The following PLEKHS1 variants were observed in gnomAD, a reference collection of about 807,000 sequenced individuals.
PLEKHS1 encodes pleckstrin homology domain containing S1, also known as pleckstrin homology domain-containing family S member 1.
In PLEKHS1, 55 loss-of-function variants were observed where a neutral mutation model predicts 51.0. The observed-to-expected ratio is 1.08, with a 90% CI of 0.87 to 1.35. The LOEUF is 1.35. PLEKHS1 is among the 40% of genes most tolerant of loss of function. The probability of loss-of-function intolerance (pLI) is 0.00; values close to 1 mark genes in which losing one functional copy is unlikely to be tolerated. For synonymous variants in PLEKHS1, 153 were observed against 144.8 expected, an observed-to-expected ratio of 1.06 and a Z score of -0.41; for missense variants, 398 against 423.0, an observed-to-expected ratio of 0.94 and a Z score of 0.52.
exon 8 of PLEKHS1, chr10:113,772,067 C>T (rs368015880): frequency 1.2e-6 from 2 of 1,612,920 alleles, no homozygotes; most frequent in South Asian, 1.1e-5. Flanking sequence ...CATTATCTTA[C>T]TCCTCGAAGT....
chr10:113,780,841 C>A (rs745758152), exon 12 of PLEKHS1: 17 of 1,439,376 alleles, frequency 1.2e-5, no homozygotes, highest in Non-Finnish European at 1.6e-5. Flanking sequence ...AGCTCTGCCC[C>A]CTGCTGCTGC....
intron 2 of PLEKHS1, among the ~76,000 whole-genome samples, chr10:113,759,477 CTCACTG>C (rs1843819205): frequency 6.6e-6 from 1 of 152,204 alleles, no homozygotes; most frequent in African/African-American, 2.4e-5. Context: ...TCTGTTTTCT[CTCACTG>C]TAAGTTTGTT....
At chr10:113,781,003 A>G (rs972282599) in exon 12 of PLEKHS1, 10 of 552,236 alleles carry the variant, frequency 1.8e-5, no homozygotes, top group Non-Finnish European at 2.6e-5. Flanking sequence ...GGAAGGCCTT[A>G]TTATCTCAGC....
chr10:113,778,219 T>G (rs1422608092), intron 11 of PLEKHS1, among the ~76,000 whole-genome samples: 2 of 152,210 alleles, frequency 1.3e-5, no homozygotes, highest in East Asian at 3.8e-4. Context: ...CAAACTGTGC[T>G]TCTTGCATCC....
intron 11 of PLEKHS1, chr10:113,777,614 G>A (rs761991222): frequency 1.9e-6 from 3 of 1,544,798 alleles, no homozygotes; most frequent in Non-Finnish European, 2.6e-6. Context: ...GACTAATGAT[G>A]GTGCTGGTTG....
intron 2 of PLEKHS1, among the ~76,000 whole-genome samples, chr10:113,763,958 A>G (rs1242064979): frequency 2.0e-5 from 3 of 152,156 alleles, no homozygotes; most frequent in Admixed American, 2.0e-4. Context: ...CATTTTTTAT[A>G]CTGCAAGCCT....
chr10:113,765,910 A>G (rs1351190258), intron 2 of PLEKHS1, among the ~76,000 whole-genome samples: 1 of 152,242 alleles, frequency 6.6e-6, no homozygotes, highest in East Asian at 1.9e-4. Context: ...GTATTTGGTA[A>G]TAGCTGGGGC....
At chr10:113,766,429 C>A in exon 3 of PLEKHS1, 1 of 1,583,520 alleles carries the variant, frequency 6.3e-7, no homozygotes, top group Non-Finnish European at 8.6e-7. Context: ...TTTACATTTT[C>A]TTATGAAAAT....
intron 5 of PLEKHS1, 57 bp from the exon 6 acceptor site, chr10:113,768,758 G>T: frequency 7.4e-7 from 1 of 1,347,330 alleles, no homozygotes; most frequent in Non-Finnish European, 1.1e-6. Flanking sequence ...ATCCTTCTCT[G>T]GTTCAAAAGG....
intron 4 of PLEKHS1, among the ~76,000 whole-genome samples, chr10:113,767,120 G>C (rs148667423): frequency 1.0e-3 from 155 of 152,234 alleles, no homozygotes; most frequent in Middle Eastern, 3.4e-3. Context: ...GTGGAATCAA[G>C]AATCCAATTA....
exon 12 of PLEKHS1, chr10:113,780,842 C>T: frequency 7.0e-7 from 1 of 1,438,310 alleles, no homozygotes; most frequent in Non-Finnish European, 9.3e-7. Flanking sequence ...GCTCTGCCCC[C>T]TGCTGCTGCC....
At chr10:113,778,201 C>T (rs2900990) in intron 11 of PLEKHS1, 50,125 of 155,948 alleles carry the variant, frequency 0.32, 8,866 homozygotes, top group South Asian at 0.49. Flanking sequence ...AAGTGAGAGG[C>T]TGGTTTTCAA....
chr10:113,782,040 C>T (rs1340505448), exon 12 of PLEKHS1: 2 of 152,162 alleles, frequency 1.3e-5, no homozygotes, highest in African/African-American at 4.8e-5. Flanking sequence ...CTAATGGATC[C>T]ATTGACTAAT....
chr10:113,768,679 A>T, intron 5 of PLEKHS1, 136 bp from the exon 6 acceptor site: 1 of 592,250 alleles, frequency 1.7e-6, no homozygotes, highest in Non-Finnish European at 2.8e-6. Context: ...GAGGCCATTT[A>T]AGCTACTTAG....
chr10:113,770,919 G>A (rs1039838029), intron 7 of PLEKHS1, among the ~76,000 whole-genome samples: 6 of 152,168 alleles, frequency 3.9e-5, no homozygotes, highest in African/African-American at 1.4e-4. Flanking sequence ...TAAGTGGGCT[G>A]CCTTTACCCC....
intron 8 of PLEKHS1, 120 bp from the exon 9 acceptor site, chr10:113,774,107 C>T (rs991307030): frequency 8.1e-6 from 5 of 614,884 alleles, no homozygotes; most frequent in Admixed American, 7.1e-5. Context: ...ATGAGAACCA[C>T]GTTCATCCAC....
At chr10:113,770,772 C>G (rs980995062) in intron 7 of PLEKHS1, among the ~76,000 whole-genome samples, 18 of 152,186 alleles carry the variant, frequency 1.2e-4, no homozygotes, top group African/African-American at 4.3e-4. Flanking sequence ...TTGCTTTTCA[C>G]TCATGATATC....
Position 113,780,587 on chromosome 10 carries a change from T to C in PLEKHS1, c.*-15T>C, listed in dbSNP as rs1844833041. 1.2e-6 allele frequency: 2 copies of C among 1,608,642 alleles called. No homozygotes were observed. The highest frequency in any genetic ancestry group is 2.2e-5 in the East Asian group (1 of 44,852). On this transcript the variant is annotated splice_polypyrimidine_tract_variant and intron_variant, in intron 11 of 11. Transcript: ENST00000361048. ...AATCTTTAGCCATTTAACTTTCTTC[T>C]TTCTTGTGTTTTAGAAATTAAAGCT...
rs1472853078 is a variant in PLEKHS1, at chr10:113,780,586, C to A, written c.*-16C>A. 1.2e-6 allele frequency: 2 copies of A among 1,608,086 alleles called. No individual in the cohort carries two copies. The highest frequency in any genetic ancestry group is 1.3e-5 in the African/African-American group (1 of 74,930). ...TAATCTTTAGCCATTTAACTTTCTTCTTTCTTGTGTTTTAGAAATTAAAGC... is the reference window on the plus strand; with the variant it reads ...TAATCTTTAGCCATTTAACTTTCTTATTTCTTGTGTTTTAGAAATTAAAGC... On this transcript the variant is annotated splice_polypyrimidine_tract_variant and intron_variant, in intron 11 of 11. Transcript: ENST00000361048.
Sources: allele counts gnomAD v4.1 joint callset (sites outside exome capture counted in the v4.1 genomes callset), GRCh38; gene constraint gnomAD v4.1.1; transcripts MANE v1.5; gene names NCBI Gene and HGNC (gene_info 2026-07-23, HGNC 2026-07-21).